FGF14: variants seen among roughly 807,000 people sequenced by gnomAD.
The protein encoded by FGF14 is fibroblast growth factor homologous factor 4.
FGF14 carries 5 observed loss-of-function variants against 25.5 expected under a neutral mutation model. The ratio of observed to expected loss-of-function variants is 0.20; its 90% CI spans 0.10 to 0.41. The LOEUF (loss-of-function observed/expected upper bound fraction) is 0.41. Among genes scored for constraint, FGF14 ranks in the 10% least tolerant of loss-of-function variants. FGF14 has a pLI of 1.00. For missense variants in FGF14, 222 were observed against 320.1 expected (o/e 0.69, Z 2.34); for synonymous variants, 138 against 118.3 (o/e 1.17, Z -1.08).
At chr13:101,922,769 A>C (rs952650946) in intron 1 of FGF14, among the ~76,000 whole-genome samples, 16 of 151,974 alleles carry the variant, frequency 1.1e-4, no homozygotes, top group African/African-American at 3.9e-4. Context: ...TTTGTGGCAT[A>C]CATTGTTTGC....
intron 1 of FGF14, among the ~76,000 whole-genome samples, chr13:102,301,712 T>C (rs2055063551): frequency 1.3e-5 from 2 of 151,986 alleles, no homozygotes; most frequent in South Asian, 2.1e-4. Context: ...CAAGCACACT[T>C]TTCTTCAATC....
At chr13:101,897,418 A>G (rs3916916) in intron 1 of FGF14, among the ~76,000 whole-genome samples, 50,323 of 152,050 alleles carry the variant, frequency 0.33, 8,685 homozygotes, top group East Asian at 0.46. Context: ...CAGCATCACA[A>G]TGAACCACAG....
chr13:102,110,947 A>C (rs893008064), intron 1 of FGF14, among the ~76,000 whole-genome samples: 2 of 152,228 alleles, frequency 1.3e-5, no homozygotes, highest in African/African-American at 4.8e-5. Flanking sequence ...AGCCTTAAGA[A>C]AATGGTTAGA....
intron 1 of FGF14, among the ~76,000 whole-genome samples, chr13:101,909,177 A>C (rs1327925197): frequency 6.6e-6 from 1 of 152,240 alleles, no homozygotes; most frequent in Non-Finnish European, 1.5e-5. Context: ...GGACATAGGC[A>C]TGTGCGAGGA....
intron 1 of FGF14, among the ~76,000 whole-genome samples, chr13:101,880,354 G>A (rs2045633996): frequency 1.3e-5 from 2 of 152,104 alleles, no homozygotes; most frequent in Non-Finnish European, 2.9e-5. Flanking sequence ...GATCACCTGA[G>A]TTCAGGAGTT....
chr13:101,719,190 A>ATAAG lies in FGF14; in HGVS notation c.*3637_*3640dup, dbSNP rs1270160550. On this transcript the variant is annotated 3_prime_UTR_variant, in exon 5 of 5. Coordinates refer to ENST00000376143, the MANE Select transcript of FGF14 (RefSeq NM_004115.4). ...GATACGTGTCTAACTTACTTAAAGA[A>ATAAG]TAAGTTTTTGGTTTTTGCTTTTAAA... 4.6e-5 allele frequency: 7 copies of ATAAG among 152,144 alleles called. No homozygotes were observed. Among genetic ancestry groups the ATAAG allele is most frequent in the Non-Finnish European group, 5.9e-5 (4 of 68,022 alleles). 9.4% of individuals were successfully genotyped at this position (152,144 alleles called of 1,614,324 possible).
intron 1 of FGF14, among the ~76,000 whole-genome samples, chr13:101,956,590 C>T (rs1282794607): frequency 3.3e-5 from 5 of 152,062 alleles, no homozygotes; most frequent in Admixed American, 6.6e-5. Context: ...ACAACAATAA[C>T]GATGGACCTA....
intron 1 of FGF14, among the ~76,000 whole-genome samples, chr13:102,006,899 C>T (rs889330249): frequency 2.0e-5 from 3 of 150,764 alleles, no homozygotes; most frequent in Non-Finnish European, 3.0e-5. Context: ...CGCCCGCCAC[C>T]GCGCCTGGCT....
At chr13:102,256,139 T>C (rs974043576) in intron 1 of FGF14, among the ~76,000 whole-genome samples, 8 of 151,818 alleles carry the variant, frequency 5.3e-5, no homozygotes, top group Non-Finnish European at 1.2e-4. Context: ...TATAAAGGGA[T>C]GGTATGAGTT....
chr13:102,041,602 A>AT lies in FGF14; in HGVS notation c.209-166307dup, dbSNP rs773660332. Among the ~76,000 whole-genome samples the AT allele has an allele frequency of 1.8e-3, 271 of 150,858 alleles. 2 individuals carry two copies. The highest frequency in any genetic ancestry group is 0.014 in the Middle Eastern group (4 of 294). ...TCCATGTAAAAAAAAAAAAAGAGAG[A>AT]TTTTATTAAAAAATGTTTCCTTTAC... On this transcript the variant is annotated intron_variant, in intron 1 of 4. Coordinates refer to the FGF14 transcript ENST00000376131.
chr13:101,872,750 A>C (rs958514457), intron 2 of FGF14, among the ~76,000 whole-genome samples: 1 of 152,012 alleles, frequency 6.6e-6, no homozygotes, highest in Non-Finnish European at 1.5e-5. Context: ...GTTTTTCTTT[A>C]TTTCTTTGCA....
chr13:102,241,292 A>G (rs2051586432), intron 1 of FGF14, among the ~76,000 whole-genome samples: 1 of 152,124 alleles, frequency 6.6e-6, no homozygotes, highest in African/African-American at 2.4e-5. Flanking sequence ...GAGAAAACTT[A>G]TAACAAAAAA....
chr13:102,032,428 G>T (rs568115022), intron 1 of FGF14, among the ~76,000 whole-genome samples: 1 of 152,230 alleles, frequency 6.6e-6, no homozygotes, highest in African/African-American at 2.4e-5. Flanking sequence ...TTGAAAAAAA[G>T]GTGCGAGAAC....
intron 1 of FGF14, among the ~76,000 whole-genome samples, chr13:102,245,668 T>C (rs1335449816): frequency 3.9e-5 from 6 of 152,096 alleles, no homozygotes; most frequent in Non-Finnish European, 8.8e-5. Flanking sequence ...TAGCATTTCC[T>C]GAACACACAC....
At chr13:101,865,353 A>T (rs1199586011) in intron 3 of FGF14, among the ~76,000 whole-genome samples, 1 of 152,138 alleles carries the variant, frequency 6.6e-6, no homozygotes, top group African/African-American at 2.4e-5. Flanking sequence ...ATTTTTGTTC[A>T]TAAACATCAT....
intron 3 of FGF14, among the ~76,000 whole-genome samples, chr13:101,745,936 G>A (rs1314166773): frequency 6.6e-6 from 1 of 152,114 alleles, no homozygotes; most frequent in Non-Finnish European, 1.5e-5. Context: ...GGAAAAGGAG[G>A]TAGGTTTCAG....
intron 3 of FGF14, among the ~76,000 whole-genome samples, chr13:101,841,132 T>A (rs918539032): frequency 6.6e-6 from 1 of 152,118 alleles, no homozygotes; most frequent in East Asian, 1.9e-4. Context: ...TCAATGGTAG[T>A]AGTTCTCCTT....
chr13:102,139,619 T>C (rs2140449695), intron 1 of FGF14, among the ~76,000 whole-genome samples: 1 of 152,146 alleles, frequency 6.6e-6, no homozygotes, highest in African/African-American at 2.4e-5. Flanking sequence ...ATGGAAGAGA[T>C]AATGCTAGTT....
At chr13:102,187,018 T>C (rs562627649) in intron 1 of FGF14, among the ~76,000 whole-genome samples, 1 of 152,194 alleles carries the variant, frequency 6.6e-6, no homozygotes, top group East Asian at 1.9e-4. Context: ...GTGGTGCACA[T>C]ATGGAGCACA....
Sources: gnomAD v4.1 joint callset for allele counts (sites outside exome capture counted in the v4.1 genomes callset) on GRCh38, gnomAD v4.1.1 for gene constraint, MANE v1.5 for transcripts, NCBI Gene and HGNC (gene_info 2026-07-23, HGNC 2026-07-21) for gene names.